Variants in SDK1 observed in about 807,000 individuals in gnomAD.
SDK1 encodes protein sidekick-1.
A neutral mutation model predicts 245.5 loss-of-function variants in SDK1; 157 were observed. The ratio of observed to expected loss-of-function variants is 0.64; its 90% CI spans 0.56 to 0.73. The LOEUF (loss-of-function observed/expected upper bound fraction) is 0.73, where lower values mean the gene tolerates loss of function less well. Ranked by LOEUF, SDK1 falls within the 30% of genes least tolerant of loss-of-function variation. SDK1 has a pLI of 0.00. For synonymous variants in SDK1, 1,647 were observed against 1,278.5 expected, an observed-to-expected ratio of 1.29 and a Z score of -6.15; for missense variants, 3,583 against 3,002.3, an observed-to-expected ratio of 1.19 and a Z score of -4.52.
chr7:4,159,861 A>G (rs1467657832), intron 31 of SDK1, among the ~76,000 whole-genome samples: 2 of 152,276 alleles, frequency 1.3e-5, no homozygotes, highest in Admixed American at 6.5e-5. Context: ...AGCTCCTACA[A>G]TTATAACATT....
chr7:4,241,787 C>G lies in SDK1; in HGVS notation c.6131-6C>G. 6.2e-7 allele frequency: 1 copy of G among 1,614,122 alleles called. No homozygotes were observed. Among genetic ancestry groups the G allele is most frequent in the East Asian group, 2.2e-5 (1 of 44,864 alleles). ...CGTCTGTTCTCACTCTCCTGCTGGG[C>G]TTTAGGAAAGGGGATCTCCACCATG... is the stretch of plus-strand genomic sequence containing the variant. On this transcript the variant is annotated splice_polypyrimidine_tract_variant and splice_region_variant and intron_variant, in intron 42 of 44. Transcript: ENST00000404826.
intron 1 of SDK1, among the ~76,000 whole-genome samples, chr7:3,345,208 A>G (rs1371900169): frequency 6.6e-6 from 1 of 152,150 alleles, no homozygotes; most frequent in East Asian, 1.9e-4. Context: ...TAACTTACGG[A>G]TTTTATAGTG....
At chr7:3,387,716 G>T (rs188259181) in intron 1 of SDK1, among the ~76,000 whole-genome samples, 1 of 152,024 alleles carries the variant, frequency 6.6e-6, no homozygotes, top group Non-Finnish European at 1.5e-5. Flanking sequence ...TGTTTAAGGT[G>T]GTAATCTTTT....
chr7:4,039,232 A>G (rs1038996355), intron 17 of SDK1, among the ~76,000 whole-genome samples: 5 of 152,072 alleles, frequency 3.3e-5, no homozygotes, highest in Non-Finnish European at 5.9e-5. Context: ...CAGCACACCA[A>G]CATGGCACAT....
chr7:3,350,845 G>GT (rs1305849018), intron 1 of SDK1, among the ~76,000 whole-genome samples: 1 of 152,096 alleles, frequency 6.6e-6, no homozygotes, highest in Admixed American at 6.5e-5. Context: ...TGTTAAAATA[G>GT]TTTTTTCCCC....
intron 17 of SDK1, among the ~76,000 whole-genome samples, chr7:4,043,356 G>A (rs1356201639): frequency 1.3e-5 from 2 of 150,502 alleles, no homozygotes; most frequent in Admixed American, 6.6e-5. Context: ...TCACAGCCAG[G>A]GACCCAGGCA....
At chr7:3,380,219 C>G (rs1473417364) in intron 1 of SDK1, among the ~76,000 whole-genome samples, 1 of 152,176 alleles carries the variant, frequency 6.6e-6, no homozygotes, top group Non-Finnish European at 1.5e-5. Flanking sequence ...AGGTCAATAT[C>G]CGCAACATTA....
chr7:3,535,584 G>A (rs1186640817), intron 1 of SDK1, among the ~76,000 whole-genome samples: 11 of 152,210 alleles, frequency 7.2e-5, no homozygotes, highest in South Asian at 2.1e-4. Context: ...GCTGTAAAGC[G>A]CGGGCCTTCT....
At chr7:4,054,152 G>A (rs1165080106) in intron 19 of SDK1, among the ~76,000 whole-genome samples, 2 of 152,118 alleles carry the variant, frequency 1.3e-5, no homozygotes, top group African/African-American at 2.4e-5. Flanking sequence ...TGTTGGCCAG[G>A]CTGCTCTCAA....
Position 4,194,443 on chromosome 7 carries a change from T to C in SDK1, c.5099-11436T>C, listed in dbSNP as rs115516819. Among the ~76,000 whole-genome samples, 262 of 118,052 alleles carry C rather than the reference T, an allele frequency of 2.2e-3. 6 individuals are homozygous for C. The highest frequency in any genetic ancestry group is 8.0e-3 in the African/African-American group (209 of 26,234). The allele number at this position is 118,052 out of a possible 152,430, so 77.4% of individuals were successfully genotyped here. A position where few individuals can be genotyped will look rare whatever the true frequency, so the allele number is the denominator to read the frequency against. On this transcript the variant is annotated intron_variant, in intron 35 of 44. Coordinates refer to ENST00000404826, the MANE Select transcript of SDK1 (RefSeq NM_152744.4). Reference sequence around the variant, plus strand: ...ATACATGTATACGTATATACATATATGTATACATGTATATATGTGTGTGTG... The same window carrying C: ...ATACATGTATACGTATATACATATACGTATACATGTATATATGTGTGTGTG...
chr7:4,208,421 C>T (rs924461915), intron 37 of SDK1, 136 bp downstream of exon 37: 1 of 756,040 alleles, frequency 1.3e-6, no homozygotes. Flanking sequence ...CTGGGAGTTT[C>T]TGGATGGGCA....
At chr7:3,564,977 T>C (rs1562566365) in intron 1 of SDK1, among the ~76,000 whole-genome samples, 1 of 151,868 alleles carries the variant, frequency 6.6e-6, no homozygotes, top group Non-Finnish European at 1.5e-5. Context: ...CAGAAGGAGA[T>C]ATAATATAGG....
At chr7:3,413,856 C>G (rs1779283998) in intron 1 of SDK1, among the ~76,000 whole-genome samples, 1 of 152,112 alleles carries the variant, frequency 6.6e-6, no homozygotes, top group Admixed American at 6.5e-5. Context: ...AGATGTGGCA[C>G]ATGTTTGTGG....
At chr7:3,963,060 C>T (rs1204590202) in intron 9 of SDK1, among the ~76,000 whole-genome samples, 1 of 133,276 alleles carries the variant, frequency 7.5e-6, no homozygotes, top group Non-Finnish European at 1.6e-5. Context: ...TGGACGTATC[C>T]AGTGAGTACA....
At chr7:3,317,992 C>G (rs2128545951) in intron 1 of SDK1, among the ~76,000 whole-genome samples, 1 of 152,202 alleles carries the variant, frequency 6.6e-6, no homozygotes, top group South Asian at 2.1e-4. Context: ...ATCCTCAGCC[C>G]CCTAGTTCCC....
At chr7:4,203,075 G>A (rs1473229085) in intron 35 of SDK1, among the ~76,000 whole-genome samples, 1 of 152,228 alleles carries the variant, frequency 6.6e-6, no homozygotes, top group Admixed American at 6.5e-5. Context: ...TGCCGTCCTT[G>A]CTGCCGTTTG....
intron 5 of SDK1, among the ~76,000 whole-genome samples, chr7:3,870,360 G>A (rs535977453): frequency 6.6e-6 from 1 of 152,264 alleles, no homozygotes; most frequent in East Asian, 1.9e-4. Context: ...TCCAGGGGAA[G>A]ATGATGGCCA....
intron 1 of SDK1, among the ~76,000 whole-genome samples, chr7:3,414,488 T>C (rs1436350881): frequency 1.3e-5 from 2 of 152,186 alleles, no homozygotes; most frequent in Non-Finnish European, 1.5e-5. Context: ...TTTAGTTTTT[T>C]TCTTTTACAT....
At chr7:4,051,447 T>C (rs893730111) in intron 18 of SDK1, among the ~76,000 whole-genome samples, 191 bp from the exon 19 acceptor site, 1 of 151,848 alleles carries the variant, frequency 6.6e-6, no homozygotes, top group Non-Finnish European at 1.5e-5. Flanking sequence ...ATATACATGC[T>C]TGTATACAAA....
Sources: allele counts gnomAD v4.1 joint callset (sites outside exome capture counted in the v4.1 genomes callset), GRCh38; gene constraint gnomAD v4.1.1; transcripts MANE v1.5; gene names NCBI Gene and HGNC (gene_info 2026-07-23, HGNC 2026-07-21).